The following ATP10B variants were observed in gnomAD, a reference collection of about 807,000 sequenced individuals.
ATP10B encodes the protein phospholipid-transporting ATPase VB.
ATP10B carries 122 observed loss-of-function variants against 141.2 expected under a neutral mutation model. The ratio of observed to expected loss-of-function variants is 0.86; its 90% confidence interval spans 0.75 to 1.00. The LOEUF (loss-of-function observed/expected upper bound fraction) is 1.00. ATP10B is among the 50% of genes least tolerant of loss of function. ATP10B has a pLI of 0.00. For synonymous variants in ATP10B, 685 were observed against 692.0 expected (o/e 0.99, Z 0.16); for missense variants, 1,876 against 1,825.3 (o/e 1.03, Z -0.51).
intron 13 of ATP10B, among the ~76,000 whole-genome samples, chr5:160,623,907 C>T (rs2127652793): frequency 6.6e-6 from 1 of 152,250 alleles, no homozygotes; most frequent in Admixed American, 6.5e-5. Context: ...AAGGTAAGAG[C>T]CTCAAAAATA....
chr5:160,848,094 C>T (rs1459736145), intron 1 of ATP10B, among the ~76,000 whole-genome samples: 1 of 152,120 alleles, frequency 6.6e-6, no homozygotes, highest in African/African-American at 2.4e-5. Context: ...TGTAAACATA[C>T]ACACATACAA....
intron 21 of ATP10B, 119 bp downstream of exon 21, chr5:160,602,458 C>T: frequency 7.4e-7 from 1 of 1,355,000 alleles, no homozygotes; most frequent in East Asian, 2.4e-5. Context: ...AGATCTAACA[C>T]TATGCCAGCC....
chr5:160,843,039 A>C (rs1775903762), intron 1 of ATP10B, among the ~76,000 whole-genome samples: 1 of 152,208 alleles, frequency 6.6e-6, no homozygotes, highest in African/African-American at 2.4e-5. Context: ...AATCTTTTAT[A>C]AACATAAAAG....
chr5:160,645,338 T>C (rs1167021063), intron 8 of ATP10B, among the ~76,000 whole-genome samples: 1 of 152,118 alleles, frequency 6.6e-6, no homozygotes, highest in Non-Finnish European at 1.5e-5. Flanking sequence ...AAGGGGAGCC[T>C]CCAGGTAGTC....
chr5:160,826,269 C>T (rs1774593961), intron 1 of ATP10B, among the ~76,000 whole-genome samples: 1 of 152,136 alleles, frequency 6.6e-6, no homozygotes, highest in African/African-American at 2.4e-5. Flanking sequence ...TTTACCTTCC[C>T]ACCAGCAGTG....
intron 1 of ATP10B, among the ~76,000 whole-genome samples, chr5:160,814,501 A>G (rs1343386369): frequency 6.6e-6 from 1 of 150,540 alleles, no homozygotes; most frequent in Non-Finnish European, 1.5e-5. Context: ...GACCAAATCT[A>G]CGTCTGATTG....
At chr5:160,812,014 CAGAGACAGAGAGAGAGAGAGAGAGAG>C (rs1429149316) in intron 1 of ATP10B, among the ~76,000 whole-genome samples, 4 of 117,934 alleles carry the variant, frequency 3.4e-5, no homozygotes, top group Non-Finnish European at 7.2e-5. Flanking sequence ...GAGACAGAGA[CAGAGACAGAGAGAGAGAGAGAGAGAG>C]AGAGAGAGAG....
At chr5:160,666,161 T>G (rs1378475906) in intron 7 of ATP10B, among the ~76,000 whole-genome samples, 1 of 152,188 alleles carries the variant, frequency 6.6e-6, no homozygotes, top group Non-Finnish European at 1.5e-5. Flanking sequence ...CTGGAAGCAC[T>G]GGAGATGGCG....
intron 2 of ATP10B, among the ~76,000 whole-genome samples, chr5:160,764,927 T>C (rs747081248): frequency 6.6e-6 from 1 of 152,074 alleles, no homozygotes; most frequent in Non-Finnish European, 1.5e-5. Context: ...GTGACTGACC[T>C]GAGAATTAAA....
the ATP10B span, among the ~76,000 whole-genome samples, chr5:160,887,130 G>A: frequency 6.6e-6 from 1 of 152,168 alleles, no homozygotes. Flanking sequence ...TGAGGCAAAT[G>A]GAAATACAGC....
At chr5:160,730,588 G>A (rs965571906) in intron 2 of ATP10B, among the ~76,000 whole-genome samples, 2 of 152,034 alleles carry the variant, frequency 1.3e-5, no homozygotes, top group Non-Finnish European at 1.5e-5. Context: ...CTGGATGACT[G>A]AGTACAAAAA....
At chr5:160,756,071 T>G (rs924412333) in intron 2 of ATP10B, among the ~76,000 whole-genome samples, 1 of 151,376 alleles carries the variant, frequency 6.6e-6, no homozygotes, top group African/African-American at 2.4e-5. Flanking sequence ...CTTTTATAAG[T>G]CCCCACAACT....
At chr5:160,859,985 G>A in the ATP10B span, among the ~76,000 whole-genome samples, 910 of 151,876 alleles carry the variant, frequency 6.0e-3, 12 homozygotes, top group African/African-American at 0.021. Context: ...TTACTTGTAC[G>A]TCTTTCGTTT....
At chr5:160,820,261 C>T (rs909814294) in intron 1 of ATP10B, among the ~76,000 whole-genome samples, 2 of 151,784 alleles carry the variant, frequency 1.3e-5, no homozygotes, top group Non-Finnish European at 2.9e-5. Context: ...TATATCAATA[C>T]ATTGGAAAAT....
At chr5:160,883,298 C>T in the ATP10B span, among the ~76,000 whole-genome samples, 2 of 152,234 alleles carry the variant, frequency 1.3e-5, no homozygotes, top group African/African-American at 2.4e-5. Flanking sequence ...AAAACTTCAG[C>T]CCATCTGTAT....
chr5:160,669,509 T>C (rs911712713), intron 7 of ATP10B, among the ~76,000 whole-genome samples: 8 of 151,630 alleles, frequency 5.3e-5, no homozygotes, highest in African/African-American at 1.9e-4. Flanking sequence ...GATTTCTCCA[T>C]GATGTCTGAG....
intron 25 of ATP10B, among the ~76,000 whole-genome samples, chr5:160,568,065 C>T (rs1428692153): frequency 6.6e-6 from 1 of 152,122 alleles, no homozygotes; most frequent in Admixed American, 6.6e-5. Flanking sequence ...AAGTGGGTAG[C>T]ATTTGCTGAA....
At chr5:160,624,094 T>G (rs537226635) in intron 13 of ATP10B, among the ~76,000 whole-genome samples, 1 of 152,326 alleles carries the variant, frequency 6.6e-6, no homozygotes, top group East Asian at 1.9e-4. Context: ...TAAATCACGG[T>G]TTAGAAGACA....
Position 160,634,400 on chromosome 5 carries a change from G to C in ATP10B, c.1335C>G (p.Phe445Leu), listed in dbSNP as rs769949531. 1 of 1,614,144 alleles carries C rather than the reference G, an allele frequency of 6.2e-7. No homozygotes were observed. Among genetic ancestry groups the C allele is most frequent in the South Asian group, 1.1e-5 (1 of 91,072 alleles). The change falls in exon 12 of 26, where the codon TTC (phenylalanine) becomes TTG (leucine). Residue 445 changes from phenylalanine (F) to leucine (L), a missense_variant. Transcript: ENST00000327245. Reference sequence around the variant, plus strand: ...CGCTGCCCATGATGGTGCAACGTCGGAACACCATCTTGTTCTCTGTCAGGG... The same window carrying C: ...CGCTGCCCATGATGGTGCAACGTCGCAACACCATCTTGTTCTCTGTCAGGG... ...TGTLTENKMV[F>L]RRCTIMGSEY...
Sources: allele counts gnomAD v4.1 joint callset (sites outside exome capture counted in the v4.1 genomes callset), GRCh38; gene constraint gnomAD v4.1.1; transcripts MANE v1.5; gene names NCBI Gene and HGNC (gene_info 2026-07-23, HGNC 2026-07-21).